The following MOGAT1 variants were observed in gnomAD, a reference collection of about 807,000 sequenced individuals.
MOGAT1 encodes 2-acylglycerol O-acyltransferase 1.
In MOGAT1, 32 loss-of-function variants were observed where a neutral mutation model predicts 31.4. The observed-to-expected ratio is 1.02, with a 90% CI of 0.77 to 1.37. The LOEUF (loss-of-function observed/expected upper bound fraction) is 1.37. MOGAT1 is among the 40% of genes most tolerant of loss of function. The pLI, the probability that MOGAT1 is intolerant of heterozygous loss-of-function variation, is 0.00. For synonymous variants in MOGAT1, 145 were observed against 144.5 expected, an observed-to-expected ratio of 1.00 and a Z score of -0.03; for missense variants, 426 against 402.0, an observed-to-expected ratio of 1.06 and a Z score of -0.51.
intron 5 of MOGAT1, among the ~76,000 whole-genome samples, chr2:222,707,308 G>GAGGA (rs1335541002): frequency 4.1e-5 from 6 of 145,400 alleles, no homozygotes; most frequent in Non-Finnish European, 6.0e-5. Context: ...GGAAAGGAGG[G>GAGGA]AGGAAGGAAG....
chr2:222,686,152 C>A (rs772574718), intron 1 of MOGAT1, among the ~76,000 whole-genome samples: 2 of 152,190 alleles, frequency 1.3e-5, no homozygotes, highest in African/African-American at 4.8e-5. Flanking sequence ...CCTGCTTAAG[C>A]ACCTGTAATA....
At chr2:222,702,967 G>C in intron 5 of MOGAT1, among the ~76,000 whole-genome samples, 1 of 151,956 alleles carries the variant, frequency 6.6e-6, no homozygotes, top group East Asian at 1.9e-4. Context: ...TAATGTTAAG[G>C]GCACAAACAT....
chr2:222,707,219 CAAGG>C lies in MOGAT1; in HGVS notation c.854-2500_854-2497del, dbSNP rs201300805. ...AAAGAAAGAGAGACAGAAAGAAAAACAAGGAAGGAAGGAAGGAAGGGAGGGGAAA... is the reference window on the plus strand; with the variant it reads ...AAAGAAAGAGAGACAGAAAGAAAAACAAGGAAGGAAGGAAGGGAGGGGAAA... On this transcript the variant is annotated intron_variant, in intron 5 of 5. Coordinates refer to ENST00000446656, the MANE Select transcript of MOGAT1 (RefSeq NM_058165.3). Among the ~76,000 whole-genome samples the C allele has an allele frequency of 7.3e-4, 85 of 116,320 alleles. 1 individual carries two copies. The South Asian group carries it at 0.015, about 21-fold the overall frequency. 76.3% of individuals were successfully genotyped at this position (116,320 alleles called of 152,430 possible). A position where few individuals can be genotyped will look rare whatever the true frequency, so the allele number is the denominator to read the frequency against.
At chr2:222,672,977 C>G (rs10202183) in intron 1 of MOGAT1, among the ~76,000 whole-genome samples, 128,424 of 150,478 alleles carry the variant, frequency 0.85, 55,701 homozygotes, top group African/African-American at 0.97. Flanking sequence ...GCAGTGGCGC[C>G]ATCTCGGCTC....
At chr2:222,706,857 T>C (rs143428100) in intron 5 of MOGAT1, among the ~76,000 whole-genome samples, 5 of 152,362 alleles carry the variant, frequency 3.3e-5, no homozygotes, top group East Asian at 1.9e-4. Flanking sequence ...GCTGGAAGAA[T>C]GCTTCAAGAT....
chr2:222,690,605 T>G (rs1692745269), intron 3 of MOGAT1, among the ~76,000 whole-genome samples: 1 of 152,140 alleles, frequency 6.6e-6, no homozygotes, highest in African/African-American at 2.4e-5. Context: ...CTCTAGACTT[T>G]TATTACGTCC....
At chr2:222,676,635 G>A (rs970470849) in intron 1 of MOGAT1, among the ~76,000 whole-genome samples, 1 of 152,130 alleles carries the variant, frequency 6.6e-6, no homozygotes, top group African/African-American at 2.4e-5. Context: ...TATGACAGTT[G>A]CAGGTTTAAC....
In MOGAT1 at chr2:222,709,252, C is replaced by T. The variant is rs181787669; in HGVS notation, c.854-484C>T. ...AAGAGAATCGCTTGAACTCGGGAGG[C>T]GGAGTTCGCAGTGAGCTGAGACTGT... is the stretch of plus-strand genomic sequence containing the variant. On this transcript the variant is annotated intron_variant, in intron 5 of 5. Transcript: ENST00000446656. Among the ~76,000 whole-genome samples the T allele has an allele frequency of 4.3e-4, 66 of 152,258 alleles. 1 individual carries two copies. In the South Asian group the frequency reaches 5.2e-3, roughly 12 times the overall value.
At chr2:222,682,305 T>C (rs1692594020) in intron 1 of MOGAT1, among the ~76,000 whole-genome samples, 1 of 152,280 alleles carries the variant, frequency 6.6e-6, no homozygotes, top group Non-Finnish European at 1.5e-5. Flanking sequence ...TTATCAGGGA[T>C]ATGATAATCT....
At chr2:222,697,484 T>C (rs911153564) in intron 5 of MOGAT1, among the ~76,000 whole-genome samples, 1 of 151,902 alleles carries the variant, frequency 6.6e-6, no homozygotes, top group Admixed American at 6.6e-5. Flanking sequence ...CTGAAGGGAA[T>C]ATTGAGGAGA....
At position 222,707,351 on chromosome 2, in the gene MOGAT1, A is replaced by G. The variant is rs868041569; in HGVS notation, c.854-2385A>G. Among the ~76,000 whole-genome samples the G allele has an allele frequency of 8.4e-4, 62 of 73,844 alleles. 1 individual carries two copies. In the South Asian group the frequency reaches 0.018, roughly 21 times the overall value. The allele number at this position is 73,844 out of a possible 152,430, so 48.4% of individuals were successfully genotyped here. A position where few individuals can be genotyped will look rare whatever the true frequency, so the allele number is the denominator to read the frequency against. ...AAAGAAAGAAAAAGAAAGAAAGAAA[A>G]AGAAAGAAAGAGAAAGAAAGAGAAA... On this transcript the variant is annotated intron_variant, in intron 5 of 5. Transcript: ENST00000446656.
At chr2:222,684,569 A>G (rs942199378) in intron 1 of MOGAT1, among the ~76,000 whole-genome samples, 7 of 152,112 alleles carry the variant, frequency 4.6e-5, no homozygotes, top group African/African-American at 1.7e-4. Flanking sequence ...CTGCTTAGCC[A>G]TCCAGTATCT....
chr2:222,687,756 G>T lies in MOGAT1; in HGVS notation c.95-588G>T, dbSNP rs531798970. Among the ~76,000 whole-genome samples the T allele has an allele frequency of 2.6e-5, 4 of 152,312 alleles. No individual in the cohort carries two copies. In the East Asian group the frequency reaches 5.8e-4, roughly 22 times the overall value. ...AGTAGAGTTCCTGAAAATGAAGTTT[G>T]TTGCTAGAATGTGCCCTCTTTGTGG... On this transcript the variant is annotated intron_variant, in intron 1 of 5. Coordinates refer to ENST00000446656, the MANE Select transcript of MOGAT1 (RefSeq NM_058165.3).
intron 1 of MOGAT1, among the ~76,000 whole-genome samples, chr2:222,674,516 T>A (rs941476696): frequency 6.6e-6 from 1 of 152,152 alleles, no homozygotes; most frequent in Non-Finnish European, 1.5e-5. Flanking sequence ...TGTAGGTAAA[T>A]TGATCATCAT....
At chr2:222,687,694 T>C (rs79437005) in intron 1 of MOGAT1, among the ~76,000 whole-genome samples, 156 of 152,324 alleles carry the variant, frequency 1.0e-3, no homozygotes, top group Non-Finnish European at 1.9e-3. Flanking sequence ...CATGCTAAGA[T>C]CTGAAGAGTC....
chr2:222,685,565 G>C (rs548740120), intron 1 of MOGAT1, among the ~76,000 whole-genome samples: 6 of 146,738 alleles, frequency 4.1e-5, no homozygotes. Context: ...ACGTTATCTA[G>C]TTACCTAGTT....
At chr2:222,704,834 C>A (rs1475009703) in intron 5 of MOGAT1, among the ~76,000 whole-genome samples, 3 of 152,104 alleles carry the variant, frequency 2.0e-5, no homozygotes, top group African/African-American at 7.2e-5. Context: ...TTGATGCAGG[C>A]TGAGACCCCA....
chr2:222,692,032 C>T (rs1403039499), intron 3 of MOGAT1, among the ~76,000 whole-genome samples: 1 of 152,142 alleles, frequency 6.6e-6, no homozygotes, highest in African/African-American at 2.4e-5. Context: ...AGAGGACTTT[C>T]GATTTTATTT....
chr2:222,706,408 G>T (rs1014801695), intron 5 of MOGAT1, among the ~76,000 whole-genome samples: 2 of 151,718 alleles, frequency 1.3e-5, no homozygotes, highest in Admixed American at 6.6e-5. Context: ...GGGGGGCAGA[G>T]GTTGCAGTGA....
Sources: allele counts gnomAD v4.1 joint callset (sites outside exome capture counted in the v4.1 genomes callset), GRCh38; gene constraint gnomAD v4.1.1; transcripts MANE v1.5; gene names NCBI Gene and HGNC (gene_info 2026-07-23, HGNC 2026-07-21).